The following GRIN2B variants were observed in gnomAD, a reference collection of about 807,000 sequenced individuals.
The protein encoded by GRIN2B is glutamate ionotropic receptor NMDA type subunit 2B.
GRIN2B carries 5 observed loss-of-function variants against 114.5 expected under a neutral mutation model. The observed-to-expected ratio is 0.04, with a 90% CI of 0.02 to 0.09. The LOEUF (loss-of-function observed/expected upper bound fraction) is 0.09, where lower values mean the gene tolerates loss of function less well. GRIN2B is among the 10% of genes least tolerant of loss of function. GRIN2B has a pLI of 1.00. For synonymous variants in GRIN2B, 787 were observed against 745.1 expected (o/e 1.06, Z -0.92); for missense variants, 1,108 against 1,943.5 (o/e 0.57, Z 8.08).
intron 3 of GRIN2B, among the ~76,000 whole-genome samples, chr12:13,764,261 ACT>A (rs2136639628): frequency 6.6e-6 from 1 of 151,442 alleles, no homozygotes; most frequent in South Asian, 2.1e-4. Flanking sequence ...GTCAAGAGAC[ACT>A]CTCTCTGGCC....
intron 1 of GRIN2B, 26 bp from the exon 2 acceptor site, chr12:13,980,382 G>C (rs1217496392): frequency 2.6e-5 from 4 of 152,136 alleles, no homozygotes; most frequent in African/African-American, 9.7e-5. Flanking sequence ...AGGCGGTCAG[G>C]GCTTGATTCG....
chr12:13,641,991 C>T (rs1949721623), intron 5 of GRIN2B, among the ~76,000 whole-genome samples: 1 of 152,094 alleles, frequency 6.6e-6, no homozygotes, highest in South Asian at 2.1e-4. Context: ...AGCTCGAGAC[C>T]AGCCTGGCCA....
intron 3 of GRIN2B, among the ~76,000 whole-genome samples, chr12:13,812,930 ATT>A (rs34773248): frequency 2.9e-4 from 34 of 118,360 alleles, no homozygotes; most frequent in Admixed American, 5.5e-4. Flanking sequence ...AGTTTTGGGA[ATT>A]TTTTTTTTTT....
chr12:13,739,374 C>CAAAAAAAAAAAAAAAAAA (rs34320563), intron 4 of GRIN2B, among the ~76,000 whole-genome samples: 2 of 59,364 alleles, frequency 3.4e-5, no homozygotes, highest in East Asian at 6.4e-4. Context: ...AACTCCGTCT[C>CAAAAAAAAAAAAAAAAAA]AAAAAAAAAA....
chr12:13,799,757 T>C (rs1864473863), intron 3 of GRIN2B, among the ~76,000 whole-genome samples: 2 of 151,856 alleles, frequency 1.3e-5, no homozygotes, highest in African/African-American at 4.8e-5. Context: ...GCATGGTGGA[T>C]TGTTTCTGAG....
At chr12:13,760,853 T>C (rs943685046) in intron 3 of GRIN2B, among the ~76,000 whole-genome samples, 2 of 152,236 alleles carry the variant, frequency 1.3e-5, no homozygotes, top group Admixed American at 6.5e-5. Flanking sequence ...AAATCCTAAA[T>C]GATCATCTCC....
At chr12:13,807,097 A>T (rs1864614653) in intron 3 of GRIN2B, among the ~76,000 whole-genome samples, 1 of 152,034 alleles carries the variant, frequency 6.6e-6, no homozygotes, top group Non-Finnish European at 1.5e-5. Flanking sequence ...TGCAAATCTC[A>T]TTAGATTGCT....
At chr12:13,898,725 G>A (rs1266274618) in intron 2 of GRIN2B, among the ~76,000 whole-genome samples, 3 of 152,086 alleles carry the variant, frequency 2.0e-5, no homozygotes, top group Non-Finnish European at 2.9e-5. Context: ...CAGCCTGACC[G>A]ACATGGAGAA....
intron 8 of GRIN2B, among the ~76,000 whole-genome samples, chr12:13,612,437 T>A (rs932773825): frequency 2.6e-5 from 4 of 152,264 alleles, no homozygotes; most frequent in African/African-American, 9.6e-5. Context: ...TTGTATGTTA[T>A]CAGACATCAT....
intron 4 of GRIN2B, among the ~76,000 whole-genome samples, chr12:13,710,849 C>T (rs542343452): frequency 6.6e-6 from 1 of 152,202 alleles, no homozygotes; most frequent in East Asian, 1.9e-4. Context: ...CTACCAATGA[C>T]TTTCTTCACA....
intron 10 of GRIN2B, among the ~76,000 whole-genome samples, chr12:13,601,495 T>G (rs1278295668): frequency 6.6e-6 from 1 of 152,120 alleles, no homozygotes; most frequent in African/African-American, 2.4e-5. Flanking sequence ...TTTGAGATCT[T>G]TAACTTAATT....
At chr12:13,655,886 C>T (rs1377731137) in intron 5 of GRIN2B, among the ~76,000 whole-genome samples, 1 of 152,206 alleles carries the variant, frequency 6.6e-6, no homozygotes, top group East Asian at 1.9e-4. Context: ...GAAGGATTGG[C>T]TGACACTCCC....
chr12:13,856,597 T>C (rs1865664457), intron 3 of GRIN2B, among the ~76,000 whole-genome samples: 1 of 152,180 alleles, frequency 6.6e-6, no homozygotes, highest in African/African-American at 2.4e-5. Flanking sequence ...ACTCCCTTTT[T>C]AGAACTCTTG....
chr12:13,733,009 A>G (rs527365928), intron 4 of GRIN2B, among the ~76,000 whole-genome samples: 21 of 152,326 alleles, frequency 1.4e-4, no homozygotes, highest in African/African-American at 4.8e-4. Flanking sequence ...GAACACACAC[A>G]TATATTAAAA....
Position 13,561,577 on chromosome 12 carries a change from A to C in GRIN2B, c.*1206T>G, listed in dbSNP as rs1208205788. ...TCTCTCACTTACCCTACCATACACG[A>C]CTCCTTACTTCTTCAAAGGTGGCTT... On this transcript the variant is annotated 3_prime_UTR_variant, in exon 14 of 14. Coordinates refer to ENST00000609686, the MANE Select transcript of GRIN2B (RefSeq NM_000834.5). 1 of 151,948 alleles carries C rather than the reference A, an allele frequency of 6.6e-6. No individual in the cohort carries two copies. Among genetic ancestry groups the C allele is most frequent in the Non-Finnish European group, 1.5e-5 (1 of 67,894 alleles). 9.4% of individuals were successfully genotyped at this position (151,948 alleles called of 1,614,324 possible).
At chr12:13,868,480 A>G (rs1053739412) in intron 2 of GRIN2B, among the ~76,000 whole-genome samples, 5 of 151,616 alleles carry the variant, frequency 3.3e-5, no homozygotes, top group Non-Finnish European at 7.4e-5. Context: ...ACACACACAC[A>G]GTTCAATTCC....
chr12:13,971,695 G>A (rs1176072645), intron 2 of GRIN2B, among the ~76,000 whole-genome samples: 4 of 152,198 alleles, frequency 2.6e-5, no homozygotes, highest in Middle Eastern at 3.4e-3. Context: ...TTTTTTCTCC[G>A]AAACAAGAAA....
chr12:13,755,085 A>G (rs1042616939), intron 3 of GRIN2B, among the ~76,000 whole-genome samples: 1 of 152,062 alleles, frequency 6.6e-6, no homozygotes, highest in Admixed American at 6.6e-5. Context: ...GCTCATCTCC[A>G]TTTTATAGCA....
In GRIN2B at chr12:13,551,127, C is replaced by G. The variant is rs1372062950; in HGVS notation, c.*11656G>C. Reference sequence around the variant, plus strand: ...CTTGATATTTTTCTTGCTCCTGACCCTGGGAGAGAGAGAACAGATAAATTA... The same window carrying G: ...CTTGATATTTTTCTTGCTCCTGACCGTGGGAGAGAGAGAACAGATAAATTA... On this transcript the variant is annotated 3_prime_UTR_variant, in exon 14 of 14. Transcript: ENST00000609686. The G allele has an allele frequency of 6.6e-6, 1 of 152,064 alleles. No homozygotes were observed. Among genetic ancestry groups the G allele is most frequent in the African/African-American group, 2.4e-5 (1 of 41,418 alleles). The allele number at this position is 152,064 out of a possible 1,614,324, so 9.4% of individuals were successfully genotyped here.
Sources: gnomAD v4.1 joint callset for allele counts (sites outside exome capture counted in the v4.1 genomes callset) on GRCh38, gnomAD v4.1.1 for gene constraint, MANE v1.5 for transcripts, NCBI Gene and HGNC (gene_info 2026-07-23, HGNC 2026-07-21) for gene names.